The following CCSER1 variants were observed in gnomAD, a reference collection of about 807,000 sequenced individuals.
CCSER1 encodes coiled-coil serine rich protein 1.
A neutral mutation model predicts 82.0 loss-of-function variants in CCSER1; 41 were observed. The ratio of observed to expected loss-of-function variants is 0.50; its 90% CI spans 0.39 to 0.65. The LOEUF is 0.65. Among genes scored for constraint, CCSER1 ranks in the 30% least tolerant of loss-of-function variants. CCSER1 has a pLI of 0.00. For synonymous variants in CCSER1, 414 were observed against 383.9 expected (o/e 1.08, Z -0.92); for missense variants, 1,119 against 1,064.2 (o/e 1.05, Z -0.72).
chr4:91,222,848 A>C (rs1737861526), intron 10 of CCSER1, among the ~76,000 whole-genome samples: 1 of 152,210 alleles, frequency 6.6e-6, no homozygotes, highest in Non-Finnish European at 1.5e-5. Context: ...ATTTTAATGA[A>C]TATAAAATAA....
chr4:91,270,667 C>T (rs1741955187), intron 10 of CCSER1, among the ~76,000 whole-genome samples: 1 of 152,126 alleles, frequency 6.6e-6, no homozygotes, highest in Non-Finnish European at 1.5e-5. Flanking sequence ...TGGAGAAGCT[C>T]CTGGGATGCA....
chr4:90,999,968 T>A (rs992326016), intron 9 of CCSER1, among the ~76,000 whole-genome samples: 1 of 151,434 alleles, frequency 6.6e-6, no homozygotes, highest in Non-Finnish European at 1.5e-5. Context: ...TTGTGTATGG[T>A]GAAAGGAAAG....
At chr4:91,587,735 G>T (rs571945050) in intron 10 of CCSER1, among the ~76,000 whole-genome samples, 5 of 151,624 alleles carry the variant, frequency 3.3e-5, no homozygotes, top group Non-Finnish European at 7.4e-5. Context: ...TTGTGTCTAT[G>T]CATGAAAATG....
At chr4:91,140,986 C>G (rs748832819) in intron 10 of CCSER1, among the ~76,000 whole-genome samples, 12 of 151,848 alleles carry the variant, frequency 7.9e-5, no homozygotes, top group Admixed American at 1.3e-4. Context: ...TTTATAGTAC[C>G]CAGTGTCTAC....
intron 1 of CCSER1, among the ~76,000 whole-genome samples, chr4:90,179,534 C>G (rs1733330645): frequency 6.6e-6 from 1 of 152,104 alleles, no homozygotes; most frequent in Non-Finnish European, 1.5e-5. Context: ...TTGTGCACCA[C>G]CATGCCCAGC....
intron 10 of CCSER1, among the ~76,000 whole-genome samples, chr4:91,436,436 T>C (rs947522509): frequency 1.3e-5 from 2 of 152,206 alleles, no homozygotes; most frequent in African/African-American, 4.8e-5. Flanking sequence ...TCTCCAAAAA[T>C]TTTCTCTAAT....
At chr4:91,407,499 C>G (rs955337501) in intron 10 of CCSER1, among the ~76,000 whole-genome samples, 1 of 152,120 alleles carries the variant, frequency 6.6e-6, no homozygotes, top group African/African-American at 2.4e-5. Flanking sequence ...GAATGAACGG[C>G]CTTTTTAGTA....
At chr4:90,966,005 G>T (rs943591056) in intron 9 of CCSER1, among the ~76,000 whole-genome samples, 4 of 152,012 alleles carry the variant, frequency 2.6e-5, no homozygotes, top group African/African-American at 9.7e-5. Context: ...CAGTATATTT[G>T]AGCAGGCAAA....
At chr4:90,864,112 G>A (rs1765442072) in intron 8 of CCSER1, among the ~76,000 whole-genome samples, 1 of 151,030 alleles carries the variant, frequency 6.6e-6, no homozygotes, top group Admixed American at 6.6e-5. Context: ...TGTTTTCATG[G>A]GCTAGGATCC....
intron 10 of CCSER1, among the ~76,000 whole-genome samples, chr4:91,279,382 T>C (rs549870068): frequency 6.6e-6 from 1 of 152,290 alleles, no homozygotes; most frequent in Admixed American, 6.5e-5. Context: ...AAAATTAGAA[T>C]ATTTGGTGGA....
intron 6 of CCSER1, among the ~76,000 whole-genome samples, chr4:90,657,992 A>G (rs1209958894): frequency 2.0e-5 from 3 of 152,212 alleles, no homozygotes; most frequent in Admixed American, 6.5e-5. Flanking sequence ...AATCTCAGCT[A>G]TGTCAGGAGA....
chr4:91,269,380 C>T (rs1166403628), intron 10 of CCSER1, among the ~76,000 whole-genome samples: 3 of 152,098 alleles, frequency 2.0e-5, no homozygotes, highest in Admixed American at 1.3e-4. Flanking sequence ...TTACAGACTA[C>T]GTGTTTCCTG....
chr4:90,205,872 A>T (rs538232084), intron 1 of CCSER1, among the ~76,000 whole-genome samples: 1 of 152,210 alleles, frequency 6.6e-6, no homozygotes, highest in Non-Finnish European at 1.5e-5. Flanking sequence ...CCTCAATTTC[A>T]GAACTTTTTA....
At chr4:90,303,865 A>G (rs1331837625) in intron 1 of CCSER1, among the ~76,000 whole-genome samples, 5 of 150,564 alleles carry the variant, frequency 3.3e-5, no homozygotes, top group Admixed American at 1.3e-4. Context: ...TGAACAGGCA[A>G]CCTACAAAAT....
intron 5 of CCSER1, among the ~76,000 whole-genome samples, chr4:90,548,189 C>T (rs1777010893): frequency 6.6e-6 from 1 of 151,876 alleles, no homozygotes; most frequent in Non-Finnish European, 1.5e-5. Flanking sequence ...TGTTAGAAAA[C>T]AAAACTCTGG....
intron 10 of CCSER1, among the ~76,000 whole-genome samples, chr4:91,499,943 A>G (rs1164936240): frequency 6.6e-6 from 1 of 152,086 alleles, no homozygotes; most frequent in Non-Finnish European, 1.5e-5. Context: ...ATATCAATGT[A>G]TAGGTTTCTG....
At chr4:90,709,316 G>T (rs62314440) in intron 6 of CCSER1, among the ~76,000 whole-genome samples, 31,689 of 151,874 alleles carry the variant, frequency 0.21, 3,972 homozygotes, top group African/African-American at 0.35. Context: ...TACATGTGCA[G>T]GGTGTGCAGG....
At chr4:90,703,717 C>G (rs928220199) in intron 6 of CCSER1, among the ~76,000 whole-genome samples, 1 of 152,140 alleles carries the variant, frequency 6.6e-6, no homozygotes, top group African/African-American at 2.4e-5. Context: ...AATCCCTTTA[C>G]CATTGTGTAA....
intron 9 of CCSER1, among the ~76,000 whole-genome samples, chr4:91,084,081 C>T (rs1561534732): frequency 6.6e-6 from 1 of 152,056 alleles, no homozygotes. Flanking sequence ...TGGGCACCCA[C>T]CACCACACCC....
Sources: gnomAD v4.1 joint callset for allele counts (sites outside exome capture counted in the v4.1 genomes callset) on GRCh38, gnomAD v4.1.1 for gene constraint, MANE v1.5 for transcripts, NCBI Gene and HGNC (gene_info 2026-07-23, HGNC 2026-07-21) for gene names.